Variants in BAP1 observed in about 807,000 individuals in gnomAD.
The protein encoded by BAP1 is ubiquitin carboxyl-terminal hydrolase BAP1.
A neutral mutation model predicts 77.2 loss-of-function variants in BAP1; 16 were observed. The observed-to-expected ratio is 0.21, with a 90% confidence interval of 0.14 to 0.31. BAP1 has a LOEUF of 0.31. Ranked by LOEUF, BAP1 falls within the 10% of genes least tolerant of loss-of-function variation. BAP1 has a pLI of 1.00. For synonymous variants in BAP1, 362 were observed against 385.2 expected (o/e 0.94, Z 0.71); for missense variants, 699 against 967.3 (o/e 0.72, Z 3.68).
chr3:52,403,699 C>T lies in BAP1; in HGVS notation c.1446G>A (p.Ser482=), dbSNP rs768062289. 3.7e-6 allele frequency: 6 copies of T among 1,613,756 alleles called. No individual in the cohort carries two copies. The highest frequency in any genetic ancestry group is 1.3e-5 in the African/African-American group (1 of 74,870). The part of the protein sequence containing the change: ...GSPAVAVPTH[S]QPSPTPSNES... ...CATTGCTGGGGGTGGGTGAGGGCTG[C>T]GAGTGTGTGGGCACTGCCACAGCCG... is the stretch of plus-strand genomic sequence containing the variant. The change falls in exon 13 of 17, where the codon TCG becomes TCA. Residue 482 remains serine (S), a synonymous_variant. Transcript: ENST00000460680. The surrounding 1 kb of genome is among the most constrained non-coding windows in gnomAD (Gnocchi z 4.0).
chr3:52,402,991 C>T lies in BAP1; in HGVS notation c.1891-120G>A, dbSNP rs2153226391. The T allele has an allele frequency of 6.3e-7, 1 of 1,598,164 alleles. No individual in the cohort carries two copies. Among genetic ancestry groups the T allele is most frequent in the Non-Finnish European group, 8.5e-7 (1 of 1,177,026 alleles). On this transcript the variant is annotated intron_variant, in intron 14 of 16. Transcript: ENST00000460680. The surrounding 1 kb of genome is among the most constrained non-coding windows in gnomAD (Gnocchi z 5.3). ...CCATGCCTATCAAGGCCCCTGCCAC[C>T]ACCCAACCCAGAAAGTCTTCTGGCA...
At chr3:52,404,777 G>A (rs1417265887) in intron 11 of BAP1, among the ~76,000 whole-genome samples, 191 bp from the exon 12 acceptor site, 2 of 152,210 alleles carry the variant, frequency 1.3e-5, no homozygotes, top group Non-Finnish European at 2.9e-5. Context: ...ACCCCACGGA[G>A]GGGTTTTAAG....
At chr3:52,404,320 G>T in intron 12 of BAP1, 133 bp downstream of exon 12, 1 of 1,486,938 alleles carries the variant, frequency 6.7e-7, no homozygotes, top group Non-Finnish European at 9.4e-7. Context: ...CATCATGCCA[G>T]CCTCCCCCAG....
rs2153227697 is a variant in BAP1, at chr3:52,406,963, C to T, written c.581-56G>A. ...GAAGGAAACCCTGAGTTTGGGCAGG[C>T]CAGGAGTGGGAAGGAAGACAGAGAA... On this transcript the variant is annotated intron_variant, in intron 7 of 16. Transcript: ENST00000460680. This position sits in a 1 kb window ranked among gnomAD's most constrained non-coding sequence, Gnocchi z 4.6. 1.3e-6 allele frequency: 2 copies of T among 1,538,262 alleles called. No individual in the cohort carries two copies. Among genetic ancestry groups the T allele is most frequent in the Non-Finnish European group, 1.8e-6 (2 of 1,133,416 alleles).
In BAP1 at chr3:52,402,917, C is replaced by A. The variant is rs2153226374; in HGVS notation, c.1891-46G>T. 5 of 1,613,344 alleles carry A rather than the reference C, an allele frequency of 3.1e-6. No individual in the cohort carries two copies. Among genetic ancestry groups the A allele is most frequent in the Non-Finnish European group, 4.2e-6 (5 of 1,180,030 alleles). ...ACCTCTGATCGGGGCGGGCCAGCAA[C>A]AAAGCCCCACGAGCAATAGGCAGCT... On this transcript the variant is annotated intron_variant, in intron 14 of 16. Transcript: ENST00000460680. The surrounding 1 kb of genome is among the most constrained non-coding windows in gnomAD (Gnocchi z 5.3).
chr3:52,406,428 C>T lies in BAP1; in HGVS notation c.660-52G>A, dbSNP rs1384016954. ...GCAGCTCCCGCCCCGGCCCCGCCAT[C>T]AGGTTGAGGCAGATATCCTGGCAGG... On this transcript the variant is annotated intron_variant, in intron 8 of 16. Coordinates refer to ENST00000460680, the MANE Select transcript of BAP1 (RefSeq NM_004656.4). The surrounding 1 kb of genome is among the most constrained non-coding windows in gnomAD (Gnocchi z 4.6). 6.2e-7 allele frequency: 1 copy of T among 1,607,044 alleles called. No individual in the cohort carries two copies. The highest frequency in any genetic ancestry group is 8.5e-7 in the Non-Finnish European group (1 of 1,179,694).
Position 52,403,820 on chromosome 3 carries a change from GGCT to G in BAP1, c.1322_1324del (p.Gln441del), listed in dbSNP as rs757188301. The G allele has an allele frequency of 6.2e-7, 1 of 1,614,008 alleles. No homozygotes were observed. The highest frequency in any genetic ancestry group is 1.1e-5 in the South Asian group (1 of 91,082). ...CTCAGCCAAGACGTTGATGGTGTTGGGCTGCAGCACTGACAGTTGCCCATCAGC... is the reference window on the plus strand; with the variant it reads ...CTCAGCCAAGACGTTGATGGTGTTGGGCAGCACTGACAGTTGCCCATCAGC... On this transcript the variant is annotated inframe_deletion, in exon 13 of 17. Coordinates refer to ENST00000460680, the MANE Select transcript of BAP1 (RefSeq NM_004656.4). The surrounding 1 kb of genome is among the most constrained non-coding windows in gnomAD (Gnocchi z 4.0).
intron 3 of BAP1, 66 bp from the exon 4 acceptor site, chr3:52,408,672 T>C: frequency 6.5e-7 from 1 of 1,546,542 alleles, no homozygotes; most frequent in Non-Finnish European, 8.8e-7. Flanking sequence ...TTCCCTTCTT[T>C]CTCCCATTAA....
In BAP1 at chr3:52,407,220, G is replaced by A. The variant is rs200285587; in HGVS notation, c.534C>T (p.Gly178=). Residue 178 remains glycine (G), a synonymous_variant, in exon 7 of 17, where the codon GGC becomes GGT. Transcript: ENST00000460680. ...FHFVSYVPIT[G]RLFELDGLKV... Reference sequence around the variant, plus strand: ...TCAGCCCATCCAGCTCAAAGAGCCGGCCTGTGATAGGCACATAGCTGACAA... The same window carrying A: ...TCAGCCCATCCAGCTCAAAGAGCCGACCTGTGATAGGCACATAGCTGACAA... The A allele has an allele frequency of 2.4e-4, 383 of 1,614,182 alleles. 1 individual carries two copies. The East Asian group carries it at 8.1e-3, about 34-fold the overall frequency.
In BAP1 at chr3:52,403,614, T is replaced by G. The variant is rs1559586695; in HGVS notation, c.1531A>C (p.Ile511Leu). ...SAFNSPLRSP[I>L]RSANPTRPSS... is the part of the protein sequence containing the mutation. ...GGCCGCGTCGGGTTGGCTGAGCGGA[T>G]AGGCGAGCGCAGTGGCGAGTTGAAA... The change falls in exon 13 of 17, where the codon ATC becomes CTC. Residue 511 changes from isoleucine (I) to leucine (L), a missense_variant. By Grantham distance (5) the Ile-to-Leu change is conservative. This residue lies in a region of BAP1 where 475 missense variants were observed against 532.4 expected (regional missense o/e 0.89). Coordinates refer to ENST00000460680, the MANE Select transcript of BAP1 (RefSeq NM_004656.4). This position sits in a 1 kb window ranked among gnomAD's most constrained non-coding sequence, Gnocchi z 4.0. 6.2e-7 allele frequency: 1 copy of G among 1,614,118 alleles called. No individual in the cohort carries two copies. Among genetic ancestry groups the G allele is most frequent in the Non-Finnish European group, 8.5e-7 (1 of 1,180,008 alleles).
At position 52,406,782 on chromosome 3, in the gene BAP1, T is replaced by C. The variant is rs1705171652; in HGVS notation, c.659+47A>G. ...TGGATACTCTCTGTCCCTCCCAAAG[T>C]AGGTACAGCTCCAGAGAGTAGAACA... On this transcript the variant is annotated intron_variant, in intron 8 of 16. Transcript: ENST00000460680. The surrounding 1 kb of genome is among the most constrained non-coding windows in gnomAD (Gnocchi z 4.6). 6.5e-7 allele frequency: 1 copy of C among 1,530,506 alleles called. No homozygotes were observed. Among genetic ancestry groups the C allele is most frequent in the Non-Finnish European group, 8.9e-7 (1 of 1,127,716 alleles). The allele number at this position is 1,530,506 out of a possible 1,614,324, so 94.8% of individuals were successfully genotyped here. A position where few individuals can be genotyped will look rare whatever the true frequency, so the allele number is the denominator to read the frequency against.
chr3:52,404,894 A>C (rs1359671266), intron 11 of BAP1, among the ~76,000 whole-genome samples: 1 of 152,228 alleles, frequency 6.6e-6, no homozygotes, highest in Non-Finnish European at 1.5e-5. Context: ...CAGCCACGTA[A>C]CTAGATTAAA....
In BAP1 at chr3:52,406,615, A is replaced by G; in HGVS notation, c.659+214T>C. 1 of 861,636 alleles carries G rather than the reference A, an allele frequency of 1.2e-6. No homozygotes were observed. Among genetic ancestry groups the G allele is most frequent in the South Asian group, 1.6e-5 (1 of 61,308 alleles). The allele number at this position is 861,636 out of a possible 1,614,324, so 53.4% of individuals were successfully genotyped here. ...GCAGACCTGGGCTGCCTAAGGCTCC[A>G]CTGAGGCCTGCCCCTCCCCCAGCCC... is the stretch of plus-strand genomic sequence containing the variant. On this transcript the variant is annotated intron_variant, in intron 8 of 16. Coordinates refer to ENST00000460680, the MANE Select transcript of BAP1 (RefSeq NM_004656.4). The surrounding 1 kb of genome is among the most constrained non-coding windows in gnomAD (Gnocchi z 4.6).
At position 52,406,528 on chromosome 3, in the gene BAP1, C is replaced by A; in HGVS notation, c.660-152G>T. ...GGCAGGCAGCGACTAGCCATACATGCCAGGCACCTGAGCTGGTACCTTCCA... is the reference window on the plus strand; with the variant it reads ...GGCAGGCAGCGACTAGCCATACATGACAGGCACCTGAGCTGGTACCTTCCA... On this transcript the variant is annotated intron_variant, in intron 8 of 16. Coordinates refer to ENST00000460680, the MANE Select transcript of BAP1 (RefSeq NM_004656.4). The surrounding 1 kb of genome is among the most constrained non-coding windows in gnomAD (Gnocchi z 4.6). The A allele has an allele frequency of 8.2e-7, 1 of 1,216,918 alleles. No homozygotes were observed. The highest frequency in any genetic ancestry group is 1.2e-6 in the Non-Finnish European group (1 of 859,962). 75.4% of individuals were successfully genotyped at this position (1,216,918 alleles called of 1,614,324 possible). A position where few individuals can be genotyped will look rare whatever the true frequency, so the allele number is the denominator to read the frequency against.
chr3:52,401,282 C>T lies in BAP1; in HGVS notation c.*1006G>A, dbSNP rs993744897. ...GTCCTCTGGAACACAGGGGCTCCAACGGGTTGTCTTGATCCTGCTGTCCCC... is the reference window on the plus strand; with the variant it reads ...GTCCTCTGGAACACAGGGGCTCCAATGGGTTGTCTTGATCCTGCTGTCCCC... On this transcript the variant is annotated 3_prime_UTR_variant, in exon 17 of 17. Coordinates refer to ENST00000460680, the MANE Select transcript of BAP1 (RefSeq NM_004656.4). The T allele has an allele frequency of 1.3e-5, 3 of 233,368 alleles. No individual in the cohort carries two copies. The highest frequency in any genetic ancestry group is 2.2e-5 in the African/African-American group (1 of 45,468). 14.5% of individuals were successfully genotyped at this position (233,368 alleles called of 1,614,324 possible). A position where few individuals can be genotyped will look rare whatever the true frequency, so the allele number is the denominator to read the frequency against.
In BAP1 at chr3:52,402,144, TGGCCTGGTTCCTCCCATTCCCAG is replaced by T. The variant is rs1406853885; in HGVS notation, c.*121_*143del. 17 of 1,352,162 alleles carry T rather than the reference TGGCCTGGTTCCTCCCATTCCCAG, an allele frequency of 1.3e-5. No individual in the cohort carries two copies. The highest frequency in any genetic ancestry group is 1.7e-5 in the Non-Finnish European group (17 of 995,240). The allele number at this position is 1,352,162 out of a possible 1,614,324, so 83.8% of individuals were successfully genotyped here. ...GCCTCAGGGCACGATGGAAGGAATG[TGGCCTGGTTCCTCCCATTCCCAG>T]GGCCTGGACTCTCCAGCTGGGACTA... On this transcript the variant is annotated 3_prime_UTR_variant, in exon 17 of 17. Coordinates refer to ENST00000460680, the MANE Select transcript of BAP1 (RefSeq NM_004656.4). The surrounding 1 kb of genome is among the most constrained non-coding windows in gnomAD (Gnocchi z 5.3).
In BAP1 at chr3:52,403,145, G is replaced by A. The variant is rs2153226434; in HGVS notation, c.1883C>T (p.Ser628Leu). Residue 628 changes from serine to leucine, a missense_variant, in exon 14 of 17, where the codon TCA becomes TTA. Ser to Leu is a moderately radical substitution (Grantham distance 145). Transcript: ENST00000460680. The surrounding 1 kb of genome is among the most constrained non-coding windows in gnomAD (Gnocchi z 4.0). ...ACCACAACGGAGGCTCACCTTGGGT[G>A]AGTATTTCTCCCCACTCAAGGGCTC... ...PGEPLSGEKY[S>L]PKELLALLKC... 1.2e-6 allele frequency: 2 copies of A among 1,613,478 alleles called. No homozygotes were observed. Among genetic ancestry groups the A allele is most frequent in the South Asian group, 1.1e-5 (1 of 91,078 alleles).
In BAP1 at chr3:52,409,506, C is replaced by T. The variant is rs376810648; in HGVS notation, c.122+48G>A. The T allele has an allele frequency of 3.1e-6, 5 of 1,611,318 alleles. No homozygotes were observed. In the African/African-American group the frequency reaches 6.7e-5, roughly 22 times the overall value. On this transcript the variant is annotated intron_variant, in intron 3 of 16. Transcript: ENST00000460680. ...AAGGGGCCCTGTTCTCTGGGACCTTCCCCAGCACTCTGGGTGTAAGGGGCA... is the reference window on the plus strand; with the variant it reads ...AAGGGGCCCTGTTCTCTGGGACCTTTCCCAGCACTCTGGGTGTAAGGGGCA...
chr3:52,403,653 CAG>C lies in BAP1; in HGVS notation c.1490_1491del (p.Ser497Ter), dbSNP rs1268021349. 1 of 1,613,724 alleles carries C rather than the reference CAG, an allele frequency of 6.2e-7. No individual in the cohort carries two copies. The highest frequency in any genetic ancestry group is 8.5e-7 in the Non-Finnish European group (1 of 1,179,670). On this transcript the variant is annotated frameshift_variant, in exon 13 of 17. Coordinates refer to ENST00000460680, the MANE Select transcript of BAP1 (RefSeq NM_004656.4). LOFTEE classifies it high-confidence loss of function. This position sits in a 1 kb window ranked among gnomAD's most constrained non-coding sequence, Gnocchi z 4.0. The part of the protein sequence containing the change: ...TPSNESTDTA[S>X]EIGSAFNSPL... ...GGCGAGTTGAAAGCACTGCCGATCT[CAG>C]AGGCCGTGTCTGTACTCTCATTGCT...
Sources: gnomAD v4.1 joint callset for allele counts (sites outside exome capture counted in the v4.1 genomes callset) on GRCh38, gnomAD v4.1.1 for gene constraint, gnomAD v4.1.1 regional missense constraint, Gnocchi (gnomAD v3.1) non-coding constraint, MANE v1.5 for transcripts, NCBI Gene and HGNC (gene_info 2026-07-23, HGNC 2026-07-21) for gene names.